PTK2: variants seen among roughly 807,000 people sequenced by gnomAD.
The protein encoded by PTK2 is focal adhesion kinase 1.
PTK2 carries 45 observed loss-of-function variants against 150.1 expected under a neutral mutation model. That is an observed-to-expected ratio of 0.30 (90% CI 0.24 to 0.38). The LOEUF (loss-of-function observed/expected upper bound fraction) is 0.38. Among genes scored for constraint, PTK2 ranks in the 10% least tolerant of loss-of-function variants. The pLI is 1.00. For synonymous variants in PTK2, 432 were observed against 449.2 expected, an observed-to-expected ratio of 0.96 and a Z score of 0.48; for missense variants, 919 against 1,307.3, an observed-to-expected ratio of 0.70 and a Z score of 4.58.
chr8:140,807,643 T>C (rs2100098881), intron 10 of PTK2, among the ~76,000 whole-genome samples: 1 of 152,344 alleles, frequency 6.6e-6, no homozygotes, highest in Non-Finnish European at 1.5e-5. Flanking sequence ...GTACAATGCA[T>C]GCCAGATTTC....
At chr8:140,695,904 A>G (rs926302695) in intron 26 of PTK2, among the ~76,000 whole-genome samples, 2 of 152,154 alleles carry the variant, frequency 1.3e-5, no homozygotes, top group African/African-American at 4.8e-5. Flanking sequence ...TGTGACTTTT[A>G]TGTATATTAA....
intron 1 of PTK2, among the ~76,000 whole-genome samples, chr8:140,986,403 G>A (rs1347340488): frequency 1.3e-5 from 2 of 152,188 alleles, no homozygotes; most frequent in African/African-American, 4.8e-5. Context: ...AATATGGACA[G>A]AATATTTTTA....
At chr8:140,691,635 G>A (rs537750389) in intron 26 of PTK2, among the ~76,000 whole-genome samples, 2 of 152,312 alleles carry the variant, frequency 1.3e-5, no homozygotes, top group East Asian at 3.9e-4. Flanking sequence ...ACAGGTGGAG[G>A]AAATGAATGC....
At chr8:140,702,578 T>C (rs773530696) in exon 25 of PTK2, 3 of 1,613,226 alleles carry the variant, frequency 1.9e-6, no homozygotes, top group Non-Finnish European at 1.7e-6. Context: ...ACCTCCACAT[T>C]GGGCTGCCAC....
chr8:140,920,770 C>T, intron 2 of PTK2: 1 of 1,398,296 alleles, frequency 7.2e-7, no homozygotes, highest in South Asian at 1.5e-5. Flanking sequence ...GGTGCAAAAG[C>T]ATGAATTCAA....
intron 17 of PTK2, 86 bp from the exon 21 acceptor site, chr8:140,746,946 A>C: frequency 1.1e-6 from 1 of 895,566 alleles, no homozygotes; most frequent in South Asian, 1.7e-5. Context: ...GCTGGAGTGC[A>C]GTGGTACAAT....
intron 27 of PTK2, among the ~76,000 whole-genome samples, chr8:140,680,697 T>C (rs1476699956): frequency 6.6e-6 from 1 of 152,182 alleles, no homozygotes; most frequent in African/African-American, 2.4e-5. Context: ...TTCTTAACAA[T>C]TTAGGACCAA....
intron 2 of PTK2, among the ~76,000 whole-genome samples, chr8:140,893,867 T>TG (rs1358917142): frequency 6.6e-6 from 1 of 152,188 alleles, no homozygotes; most frequent in Non-Finnish European, 1.5e-5. Context: ...CCCTGTCATT[T>TG]GGTAAGGATG....
intron 13 of PTK2, among the ~76,000 whole-genome samples, chr8:140,791,464 T>G (rs763079313): frequency 2.6e-4 from 40 of 152,124 alleles, no homozygotes; most frequent in Admixed American, 1.2e-3. Context: ...TGCTGTAGAG[T>G]GCACTGTCCA....
In PTK2 at chr8:140,859,262, T is replaced by C. The variant is rs1016998810; in HGVS notation, c.450+5050A>G. On this transcript the variant is annotated intron_variant, in intron 5 of 31. Transcript: ENST00000522684. ...ATAAATACAAAATTCAGGATAATGG[T>C]ACACTGAGTGGAGTGAAAGGGCAGT... Among the ~76,000 whole-genome samples, 4 of 152,114 alleles carry C rather than the reference T, an allele frequency of 2.6e-5. No individual in the cohort carries two copies. The East Asian group carries it at 7.7e-4, about 29-fold the overall frequency.
intron 2 of PTK2, among the ~76,000 whole-genome samples, chr8:140,914,004 C>T (rs551501624): frequency 6.6e-6 from 1 of 152,204 alleles, no homozygotes; most frequent in Non-Finnish European, 1.5e-5. Flanking sequence ...AAAAAATTTA[C>T]TAATCATTGG....
At chr8:140,920,971 C>T (rs142195195) in intron 2 of PTK2, 7 of 1,373,696 alleles carry the variant, frequency 5.1e-6, no homozygotes, top group Non-Finnish European at 6.6e-6. Flanking sequence ...CAGTTCCTCG[C>T]TGTGATAGTA....
At chr8:140,785,668 G>C (rs1268766360) in intron 14 of PTK2, among the ~76,000 whole-genome samples, 1 of 152,116 alleles carries the variant, frequency 6.6e-6, no homozygotes, top group Non-Finnish European at 1.5e-5. Flanking sequence ...GTACAGGGGA[G>C]CAAACTCTCT....
intron 16 of PTK2, among the ~76,000 whole-genome samples, chr8:140,757,990 T>C (rs1049938191): frequency 8.5e-5 from 13 of 152,192 alleles, no homozygotes; most frequent in Admixed American, 2.0e-4. Flanking sequence ...TACATGATAA[T>C]GATAATAAAC....
At chr8:140,669,631 C>T in intron 29 of PTK2, 96 bp downstream of exon 33, 1 of 1,406,024 alleles carries the variant, frequency 7.1e-7, no homozygotes, top group African/African-American at 1.4e-5. Flanking sequence ...AGTGCCCTCC[C>T]ACTTGGGCTT....
intron 17 of PTK2, among the ~76,000 whole-genome samples, chr8:140,751,354 T>G (rs1044412800): frequency 1.3e-5 from 2 of 152,052 alleles, no homozygotes; most frequent in Non-Finnish European, 2.9e-5. Flanking sequence ...ATTTTTAAAT[T>G]TTTTCATAGA....
At chr8:140,832,102 CAG>C (rs1408226155) in intron 7 of PTK2, among the ~76,000 whole-genome samples, 1 of 152,144 alleles carries the variant, frequency 6.6e-6, no homozygotes, top group Non-Finnish European at 1.5e-5. Flanking sequence ...TCACCCAGGC[CAG>C]AGTGCAGTAG....
chr8:140,985,034 C>T (rs2154610049), intron 1 of PTK2, among the ~76,000 whole-genome samples: 1 of 152,340 alleles, frequency 6.6e-6, no homozygotes, highest in Non-Finnish European at 1.5e-5. Flanking sequence ...GAGATCCCAA[C>T]ACAACTGTAA....
At chr8:140,681,670 G>A (rs1267576605) in intron 27 of PTK2, among the ~76,000 whole-genome samples, 2 of 152,020 alleles carry the variant, frequency 1.3e-5, no homozygotes, top group Admixed American at 6.6e-5. Context: ...GCAGCTACTC[G>A]GGAGGCTGAG....
Sources: gnomAD v4.1 joint callset for allele counts (sites outside exome capture counted in the v4.1 genomes callset) on GRCh38, gnomAD v4.1.1 for gene constraint, MANE v1.5 for transcripts, NCBI Gene and HGNC (gene_info 2026-07-23, HGNC 2026-07-21) for gene names.